AP1G1: variants seen among roughly 807,000 people sequenced by gnomAD.
AP1G1 encodes the protein AP-1 complex subunit gamma-1.
AP1G1 carries 7 observed loss-of-function variants against 108.3 expected under a neutral mutation model. The ratio of observed to expected loss-of-function variants is 0.06; its 90% CI spans 0.04 to 0.12. The LOEUF (loss-of-function observed/expected upper bound fraction) is 0.12. AP1G1 is among the 10% of genes least tolerant of loss of function. AP1G1 has a pLI of 1.00. For synonymous variants in AP1G1, 379 were observed against 353.5 expected (o/e 1.07, Z -0.81); for missense variants, 756 against 1,010.7 (o/e 0.75, Z 3.42).
intron 1 of AP1G1, among the ~76,000 whole-genome samples, chr16:71,796,522 C>G (rs1481934304): frequency 3.3e-5 from 5 of 152,148 alleles, no homozygotes; most frequent in Non-Finnish European, 7.3e-5. Context: ...CATATCCCCC[C>G]CTTGTGAATT....
At chr16:71,743,335 C>T (rs2029968149) in intron 19 of AP1G1, 1 of 152,110 alleles carries the variant, frequency 6.6e-6, no homozygotes, top group South Asian at 2.1e-4. Context: ...ATGAGCTTAG[C>T]TAACCATCCA....
At position 71,761,366 on chromosome 16, in the gene AP1G1, A is replaced by G. The variant is rs200974186; in HGVS notation, c.974+146T>C. ...TAAATCCTCAAGTTCTTCACAAAACAGTGTTTTAAGACCAGAAAAACATAA... is the reference window on the plus strand; with the variant it reads ...TAAATCCTCAAGTTCTTCACAAAACGGTGTTTTAAGACCAGAAAAACATAA... On this transcript the variant is annotated intron_variant, in intron 10 of 22. Transcript: ENST00000299980. The G allele has an allele frequency of 1.4e-4, 95 of 674,306 alleles. 1 individual carries two copies. In the East Asian group the frequency reaches 2.5e-3, roughly 18 times the overall value. The allele number at this position is 674,306 out of a possible 1,614,324, so 41.8% of individuals were successfully genotyped here.
At chr16:71,782,157 T>C (rs921896949) in intron 2 of AP1G1, among the ~76,000 whole-genome samples, 6 of 152,268 alleles carry the variant, frequency 3.9e-5, no homozygotes, top group African/African-American at 9.6e-5. Flanking sequence ...TTTCAATCAA[T>C]TGCAATTATT....
At chr16:71,756,724 C>T (rs945152840) in intron 11 of AP1G1, among the ~76,000 whole-genome samples, 1 of 152,098 alleles carries the variant, frequency 6.6e-6, no homozygotes, top group African/African-American at 2.4e-5. Context: ...GGCGAATCAC[C>T]TGAGGTCAGG....
intron 2 of AP1G1, among the ~76,000 whole-genome samples, chr16:71,784,849 G>T (rs538073459): frequency 6.6e-6 from 1 of 150,972 alleles, no homozygotes; most frequent in African/African-American, 2.4e-5. Context: ...GTAAGTCACC[G>T]TGTCCATCCT....
intron 2 of AP1G1, among the ~76,000 whole-genome samples, chr16:71,775,257 C>T (rs1245956655): frequency 6.6e-6 from 1 of 151,256 alleles, no homozygotes; most frequent in East Asian, 1.9e-4. Flanking sequence ...GTCACGGACT[C>T]CTGACCACAG....
Position 71,741,742 on chromosome 16 carries a change from T to C in AP1G1, c.2000-2401A>G, listed in dbSNP as rs140081110. Among the ~76,000 whole-genome samples the C allele has an allele frequency of 8.5e-3, 1,297 of 152,310 alleles. 16 individuals carry two copies. Among genetic ancestry groups the C allele is most frequent in the African/African-American group, 0.029 (1,216 of 41,558 alleles). Reference sequence around the variant, plus strand: ...CAAAGAAATATTCATACAGTTCTCCTAGTCTAAAAAATCAAATCGAGAAAA... The same window carrying C: ...CAAAGAAATATTCATACAGTTCTCCCAGTCTAAAAAATCAAATCGAGAAAA... On this transcript the variant is annotated intron_variant, in intron 19 of 22. Coordinates refer to ENST00000299980, the MANE Select transcript of AP1G1 (RefSeq NM_001128.6).
intron 9 of AP1G1, among the ~76,000 whole-genome samples, chr16:71,763,615 G>C (rs569095129): frequency 2.4e-4 from 36 of 152,088 alleles, no homozygotes; most frequent in Non-Finnish European, 4.0e-4. Flanking sequence ...AGTATGGTGC[G>C]AACAATATAT....
At chr16:71,755,960 A>C in intron 12 of AP1G1, 59 bp downstream of exon 12, 1 of 1,563,510 alleles carries the variant, frequency 6.4e-7, no homozygotes, top group Admixed American at 1.8e-5. Flanking sequence ...CCATGTTTTA[A>C]AGACACTTCC....
At chr16:71,763,705 A>G (rs1386055337) in intron 9 of AP1G1, among the ~76,000 whole-genome samples, 1 of 152,212 alleles carries the variant, frequency 6.6e-6, no homozygotes, top group Non-Finnish European at 1.5e-5. Context: ...CTAACTAGAT[A>G]CTATAATGCT....
intron 10 of AP1G1, among the ~76,000 whole-genome samples, 163 bp from the exon 11 acceptor site, chr16:71,759,084 A>C (rs1057182577): frequency 1.3e-5 from 2 of 152,256 alleles, no homozygotes; most frequent in African/African-American, 4.8e-5. Flanking sequence ...CAAAGGTATA[A>C]GCGATACCAT....
intron 19 of AP1G1, 129 bp downstream of exon 19, chr16:71,745,015 G>C (rs1255984678): frequency 1.0e-6 from 1 of 954,690 alleles, no homozygotes; most frequent in Non-Finnish European, 1.6e-6. Context: ...GTGAAGATTT[G>C]ACTCTTGCTT....
At chr16:71,764,583 A>G in intron 8 of AP1G1, 63 bp downstream of exon 8, 6 of 1,373,818 alleles carry the variant, frequency 4.4e-6, no homozygotes, top group Non-Finnish European at 6.0e-6. Flanking sequence ...CCATATAACC[A>G]TAATCATTCT....
At chr16:71,761,067 C>T (rs1329363021) in intron 10 of AP1G1, among the ~76,000 whole-genome samples, 1 of 152,168 alleles carries the variant, frequency 6.6e-6, no homozygotes, top group African/African-American at 2.4e-5. Flanking sequence ...AACTACAGCC[C>T]ACCTGTAAAA....
At chr16:71,755,586 G>C (rs1416230544) in intron 12 of AP1G1, among the ~76,000 whole-genome samples, 1 of 152,144 alleles carries the variant, frequency 6.6e-6, no homozygotes, top group Admixed American at 6.5e-5. Flanking sequence ...ATTTATAATT[G>C]AGGGTTTGAA....
chr16:71,789,809 T>C (rs1465895480), intron 1 of AP1G1, among the ~76,000 whole-genome samples: 1 of 152,176 alleles, frequency 6.6e-6, no homozygotes, highest in African/African-American at 2.4e-5. Context: ...CTTTACTCAA[T>C]CCTTAAAGTA....
chr16:71,787,224 C>A (rs549907419), intron 2 of AP1G1, among the ~76,000 whole-genome samples: 37 of 149,866 alleles, frequency 2.5e-4, no homozygotes, highest in African/African-American at 8.6e-4. Context: ...GAGGCTGAGG[C>A]AGAAGAATCT....
At position 71,739,050 on chromosome 16, in the gene AP1G1, G is replaced by A; in HGVS notation, c.2160C>T (p.Thr720=). 1 of 1,614,176 alleles carries A rather than the reference G, an allele frequency of 6.2e-7. No individual in the cohort carries two copies. The highest frequency in any genetic ancestry group is 8.5e-7 in the Non-Finnish European group (1 of 1,180,012). ...YSKNGLKIEF[T]FERSNTNPSV... ...TGGGGTTGGTATTTGACCGTTCAAA[G>A]GTGAATTCTATCTTCAAGCCATTCT... Residue 720 remains threonine (T), a synonymous_variant, in exon 21 of 23, where the codon ACC becomes ACT. Transcript: ENST00000299980.
At chr16:71,733,450 T>C (rs1263501706) in intron 22 of AP1G1, among the ~76,000 whole-genome samples, 1 of 50,426 alleles carries the variant, frequency 2.0e-5, no homozygotes, top group Non-Finnish European at 4.0e-5. Flanking sequence ...TTTCTTTTCT[T>C]TTCTTTTGAA....
Sources: gnomAD v4.1 joint callset for allele counts (sites outside exome capture counted in the v4.1 genomes callset) on GRCh38, gnomAD v4.1.1 for gene constraint, MANE v1.5 for transcripts, NCBI Gene and HGNC (gene_info 2026-07-23, HGNC 2026-07-21) for gene names.